Variants in SEC23IP observed in about 807,000 individuals in gnomAD.
The protein encoded by SEC23IP is SEC23-interacting protein.
Under a neutral mutation model 113.4 loss-of-function variants are expected in SEC23IP, and 70 were observed. The observed-to-expected ratio is 0.62, with a 90% CI of 0.51 to 0.75. The LOEUF is 0.75. Ranked by LOEUF, SEC23IP falls within the 30% of genes least tolerant of loss-of-function variation. The pLI, the probability that SEC23IP is intolerant of heterozygous loss-of-function variation, is 0.00. For missense variants in SEC23IP, 1,160 were observed against 1,204.9 expected (o/e 0.96, Z 0.55); for synonymous variants, 398 against 421.0 (o/e 0.95, Z 0.67).
At chr10:119,909,783 C>T (rs527667383) in intron 5 of SEC23IP, among the ~76,000 whole-genome samples, 3 of 151,380 alleles carry the variant, frequency 2.0e-5, no homozygotes, top group Non-Finnish European at 4.4e-5. Context: ...TCTAGCTACT[C>T]GGGAGGCTGA....
At position 119,926,280 on chromosome 10, in the gene SEC23IP, T is replaced by G. The variant is rs569405697; in HGVS notation, c.2313+53T>G. ...ATAGTTCATGTTGGAATCATAATCTTTATCATTTGGGTTGGCTTTAAGTTC... is the reference window on the plus strand; with the variant it reads ...ATAGTTCATGTTGGAATCATAATCTGTATCATTTGGGTTGGCTTTAAGTTC... On this transcript the variant is annotated intron_variant, in intron 13 of 18. Coordinates refer to ENST00000369075, the MANE Select transcript of SEC23IP (RefSeq NM_007190.4). 2.1e-4 allele frequency: 319 copies of G among 1,485,714 alleles called. 2 individuals carry two copies. The South Asian group carries it at 3.6e-3, about 17-fold the overall frequency. 92.0% of individuals were successfully genotyped at this position (1,485,714 alleles called of 1,614,324 possible).
rs866765964 is a variant in SEC23IP at position 119,924,524 on chromosome 10, A to G, written c.2122-1512A>G. ...AACCTCCGCCTCCCAGGTTCAAGCAATTCTCTTGCCTCAGTCTCCTGAGTA... is the reference window on the plus strand; with the variant it reads ...AACCTCCGCCTCCCAGGTTCAAGCAGTTCTCTTGCCTCAGTCTCCTGAGTA... On this transcript the variant is annotated intron_variant, in intron 12 of 18. Transcript: ENST00000369075. 2.6e-5 allele frequency among the ~76,000 whole-genome samples: 4 copies of G among 151,830 alleles called. No homozygotes were observed. The South Asian group carries it at 8.3e-4, about 32-fold the overall frequency.
At chr10:119,906,283 GAAA>G (rs59914110) in intron 4 of SEC23IP, among the ~76,000 whole-genome samples, 7,128 of 114,800 alleles carry the variant, frequency 0.062, 283 homozygotes, top group South Asian at 0.27. Flanking sequence ...CCTTGTCTCA[GAAA>G]AAAAAAAAAA....
At position 119,937,164 on chromosome 10, in the gene SEC23IP, C is replaced by T. The variant is rs543968547; in HGVS notation, c.*20+3377C>T. ...TGCTGGGATTACAGGCGTGAGCCAC[C>T]GTGCCCGGCCAGGGTCCTTTTCTTT... On this transcript the variant is annotated intron_variant, in intron 18 of 18. Coordinates refer to ENST00000369075, the MANE Select transcript of SEC23IP (RefSeq NM_007190.4). Among the ~76,000 whole-genome samples, 41 of 151,796 alleles carry T rather than the reference C, an allele frequency of 2.7e-4. 1 individual carries two copies. Among genetic ancestry groups the T allele is most frequent in the African/African-American group, 8.2e-4 (34 of 41,482 alleles).
At chr10:119,918,372 C>G in intron 9 of SEC23IP, 21 bp from the exon 10 acceptor site, 1 of 1,432,092 alleles carries the variant, frequency 7.0e-7, no homozygotes, top group Middle Eastern at 1.8e-4. Context: ...CATTATAAGG[C>G]AAAATGTTTC....
chr10:119,912,636 CTTTTTCTTTTTT>C (rs906981965), intron 6 of SEC23IP, among the ~76,000 whole-genome samples: 1 of 140,276 alleles, frequency 7.1e-6, no homozygotes, highest in African/African-American at 2.6e-5. Flanking sequence ...TTTTCTTTTT[CTTTTTCTTTTTT>C]TTTTTTTTTT....
intron 6 of SEC23IP, among the ~76,000 whole-genome samples, chr10:119,914,051 T>A (rs1854964183): frequency 1.3e-5 from 2 of 152,072 alleles, no homozygotes; most frequent in Non-Finnish European, 2.9e-5. Flanking sequence ...TCCCAGCTAC[T>A]CAGGAAGCTG....
At position 119,930,392 on chromosome 10, in the gene SEC23IP, C is replaced by G. The variant is rs1215492572; in HGVS notation, c.2533C>G (p.Leu845Val). 1 of 1,611,762 alleles carries G rather than the reference C, an allele frequency of 6.2e-7. No homozygotes were observed. Among genetic ancestry groups the G allele is most frequent in the African/African-American group, 1.3e-5 (1 of 74,882 alleles). ...IVPDLDLKAV[L>V]IPHHKGRKRL... ...TCCAGATTTGGACCTAAAAGCTGTT[C>G]TCATTCCACATCACAAAGGCAGAAA... The change falls in exon 15 of 19, where the codon CTC (leucine) becomes GTC (valine). Residue 845 changes from leucine to valine, a missense_variant. Coordinates refer to ENST00000369075, the MANE Select transcript of SEC23IP (RefSeq NM_007190.4).
chr10:119,905,389 A>C (rs1263979043), intron 4 of SEC23IP, among the ~76,000 whole-genome samples: 1 of 152,162 alleles, frequency 6.6e-6, no homozygotes, highest in Non-Finnish European at 1.5e-5. Context: ...CTGAAAGTCT[A>C]CACTTTCTCT....
At position 119,933,174 on chromosome 10, in the gene SEC23IP, G is replaced by A. The variant is rs774951064; in HGVS notation, c.2921+7G>A. On this transcript the variant is annotated splice_region_variant and intron_variant, in intron 17 of 18. Transcript: ENST00000369075. ...AGAGTCACTTATGCTATTGGTAAGT[G>A]TTCTTAAATTTGGTAACATTTGAGT... 5 of 1,611,520 alleles carry A rather than the reference G, an allele frequency of 3.1e-6. No homozygotes were observed. In the Admixed American group the frequency reaches 8.4e-5, roughly 27 times the overall value.
intron 7 of SEC23IP, among the ~76,000 whole-genome samples, chr10:119,915,105 G>T (rs1855005738): frequency 6.6e-6 from 1 of 152,198 alleles, no homozygotes; most frequent in Non-Finnish European, 1.5e-5. Flanking sequence ...GAGCACCTCT[G>T]CATTGAATGG....
At chr10:119,931,267 G>T (rs1266151454) in intron 15 of SEC23IP, among the ~76,000 whole-genome samples, 1 of 106,570 alleles carries the variant, frequency 9.4e-6, no homozygotes, top group Non-Finnish European at 1.8e-5. Flanking sequence ...GAGAGACTCC[G>T]TCTCAAAAAA....
intron 13 of SEC23IP, among the ~76,000 whole-genome samples, chr10:119,926,839 G>T (rs1316700185): frequency 6.6e-6 from 1 of 152,134 alleles, no homozygotes; most frequent in Non-Finnish European, 1.5e-5. Context: ...AGTTTTAGAG[G>T]AATATATTCT....
chr10:119,898,706 C>T lies in SEC23IP; in HGVS notation c.443C>T (p.Ser148Leu). Reference protein sequence around the residue: ...SKAQPGAPPSSLMGINSYLPS... With the variant: ...SKAQPGAPPSLLMGINSYLPS... ...GCTCAACCTGGTGCTCCACCTTCCT[C>T]ACTGATGGGAATAAATTCTTATCTG... Residue 148 changes from serine to leucine, a missense_variant, in exon 2 of 19, where the codon TCA becomes TTA. Transcript: ENST00000369075. 1 of 1,614,220 alleles carries T rather than the reference C, an allele frequency of 6.2e-7. No individual in the cohort carries two copies. The highest frequency in any genetic ancestry group is 1.3e-5 in the African/African-American group (1 of 75,042).
intron 8 of SEC23IP, among the ~76,000 whole-genome samples, chr10:119,916,519 T>A (rs1855059209): frequency 6.6e-6 from 1 of 152,244 alleles, no homozygotes; most frequent in South Asian, 2.1e-4. Flanking sequence ...GGGTACATAG[T>A]TTAATAAAAC....
chr10:119,915,079 C>G (rs1855004535), intron 7 of SEC23IP, among the ~76,000 whole-genome samples: 1 of 152,198 alleles, frequency 6.6e-6, no homozygotes, highest in Non-Finnish European at 1.5e-5. Flanking sequence ...TTTGCCTGAG[C>G]ACCTGCAGCA....
rs1340209092 is a variant in SEC23IP, at chr10:119,917,842, T to G, written c.1551T>G (p.Ile517Met). 1.9e-5 allele frequency: 31 copies of G among 1,612,680 alleles called. No individual in the cohort carries two copies. Among genetic ancestry groups the G allele is most frequent in the Non-Finnish European group, 2.1e-5 (25 of 1,178,948 alleles). The change falls in exon 9 of 19, where the codon ATT becomes ATG. Residue 517 changes from isoleucine to methionine, a missense_variant. Physicochemically the swap from Ile to Met is conservative, Grantham distance 10. Transcript: ENST00000369075. ...GGDATGVDRN[I>M]KKITLPSIGR... ...TATTTTTCTTTTTAAACAGGAATAT[T>G]AAGAAAATCACTTTGCCAAGTATTG... is the stretch of plus-strand genomic sequence containing the variant.
At chr10:119,919,327 G>A in intron 10 of SEC23IP, 117 bp from the exon 11 acceptor site, 1 of 936,032 alleles carries the variant, frequency 1.1e-6, no homozygotes, top group Non-Finnish European at 1.6e-6. Context: ...AAAGTACTGT[G>A]CCTAAAATTA....
chr10:119,931,099 A>G (rs1328529728), intron 15 of SEC23IP, among the ~76,000 whole-genome samples: 1 of 152,100 alleles, frequency 6.6e-6, no homozygotes, highest in East Asian at 1.9e-4. Context: ...TTCACATGTG[A>G]TTATTAGACA....
Sources: gnomAD v4.1 joint callset for allele counts (sites outside exome capture counted in the v4.1 genomes callset) on GRCh38, gnomAD v4.1.1 for gene constraint, MANE v1.5 for transcripts, NCBI Gene and HGNC (gene_info 2026-07-23, HGNC 2026-07-21) for gene names.